ASTN2: variants seen among roughly 807,000 people sequenced by gnomAD.
ASTN2 encodes astrotactin 2.
Under a neutral mutation model 139.8 loss-of-function variants are expected in ASTN2, and 54 were observed. That is an observed-to-expected ratio of 0.39 (90% CI 0.31 to 0.48). The LOEUF is 0.48. ASTN2 is among the 20% of genes least tolerant of loss of function. The pLI is 0.95. For missense variants in ASTN2, 1,565 were observed against 1,725.1 expected (o/e 0.91, Z 1.64); for synonymous variants, 756 against 719.5 (o/e 1.05, Z -0.81).
At chr9:116,488,148 G>A (rs1370544514) in intron 19 of ASTN2, among the ~76,000 whole-genome samples, 4 of 152,122 alleles carry the variant, frequency 2.6e-5, no homozygotes, top group Non-Finnish European at 1.5e-5. Context: ...GAGACTATGT[G>A]CCACATATTT....
intron 6 of ASTN2, among the ~76,000 whole-genome samples, chr9:117,022,230 C>T (rs986368448): frequency 6.6e-6 from 1 of 152,060 alleles, no homozygotes; most frequent in Non-Finnish European, 1.5e-5. Context: ...TGATTTGAAA[C>T]AACTGAAATT....
chr9:117,400,542 A>T (rs182210675), intron 1 of ASTN2, among the ~76,000 whole-genome samples: 259 of 152,358 alleles, frequency 1.7e-3, no homozygotes, highest in Admixed American at 5.2e-3. Flanking sequence ...TACTTTGGGC[A>T]GTCCCCCTCC....
chr9:116,491,674 A>G (rs1849521457), intron 19 of ASTN2, among the ~76,000 whole-genome samples: 1 of 152,228 alleles, frequency 6.6e-6, no homozygotes, highest in Admixed American at 6.5e-5. Context: ...AGGTGAATGA[A>G]GTAATCCCCC....
At chr9:116,512,294 C>T (rs1282900862) in intron 19 of ASTN2, among the ~76,000 whole-genome samples, 2 of 152,148 alleles carry the variant, frequency 1.3e-5, no homozygotes, top group African/African-American at 4.8e-5. Context: ...TGCTCAGTTT[C>T]CAGGTAGTTG....
At chr9:117,074,105 G>T (rs1828210968) in intron 5 of ASTN2, among the ~76,000 whole-genome samples, 1 of 149,942 alleles carries the variant, frequency 6.7e-6, no homozygotes, top group Admixed American at 6.7e-5. Context: ...AAAAAAAAAA[G>T]ACCTTAATAG....
Position 117,242,420 on chromosome 9 carries a change from G to A in ASTN2, c.631-27678C>T, listed in dbSNP as rs73517228. 9.3e-3 allele frequency among the ~76,000 whole-genome samples: 1,419 copies of A among 152,210 alleles called. 23 individuals are homozygous for A. The highest frequency in any genetic ancestry group is 0.032 in the African/African-American group (1,347 of 41,508). ...TTGATGTACTTAATAGAGGAAAGTCGGGACGAGTCTGGAAAAGCAAGGATA... is the reference window on the plus strand; with the variant it reads ...TTGATGTACTTAATAGAGGAAAGTCAGGACGAGTCTGGAAAAGCAAGGATA... On this transcript the variant is annotated intron_variant, in intron 2 of 22. Coordinates refer to ENST00000313400, the MANE Select transcript of ASTN2 (RefSeq NM_001365068.1).
At chr9:117,154,607 C>T (rs909955399) in intron 3 of ASTN2, among the ~76,000 whole-genome samples, 10 of 152,072 alleles carry the variant, frequency 6.6e-5, no homozygotes, top group African/African-American at 2.2e-4. Flanking sequence ...TTCATTTTTA[C>T]TAGTAAACCC....
At chr9:117,161,972 T>C (rs894344029) in intron 3 of ASTN2, among the ~76,000 whole-genome samples, 19 of 152,006 alleles carry the variant, frequency 1.2e-4, no homozygotes, top group African/African-American at 4.3e-4. Flanking sequence ...ATCACCACTT[T>C]ATAGATAAAG....
chr9:117,109,231 G>A (rs1829186634), intron 4 of ASTN2, among the ~76,000 whole-genome samples: 5 of 151,906 alleles, frequency 3.3e-5, no homozygotes, highest in Non-Finnish European at 1.5e-5. Context: ...GCAGTGAGCC[G>A]AGATCTTGCC....
At chr9:116,821,192 G>T (rs1831474935) in intron 11 of ASTN2, among the ~76,000 whole-genome samples, 1 of 152,142 alleles carries the variant, frequency 6.6e-6, no homozygotes, top group Admixed American at 6.5e-5. Context: ...GAGGCTGCCA[G>T]ATATATATTT....
chr9:116,599,180 C>A (rs2131750848), intron 19 of ASTN2, among the ~76,000 whole-genome samples: 1 of 152,324 alleles, frequency 6.6e-6, no homozygotes, highest in East Asian at 1.9e-4. Context: ...AACTCTCCTG[C>A]CTACTGCTGT....
intron 10 of ASTN2, among the ~76,000 whole-genome samples, chr9:116,918,672 G>C (rs1208056934): frequency 6.6e-6 from 1 of 151,778 alleles, no homozygotes; most frequent in Non-Finnish European, 1.5e-5. Context: ...TGTCCCTCTG[G>C]CATCTCCATT....
intron 13 of ASTN2, among the ~76,000 whole-genome samples, chr9:116,745,478 T>C (rs1829210264): frequency 6.6e-6 from 1 of 152,172 alleles, no homozygotes; most frequent in Non-Finnish European, 1.5e-5. Flanking sequence ...TCCTTCTGTT[T>C]CCACAGCACT....
chr9:117,353,780 T>A (rs1275691524), intron 1 of ASTN2, among the ~76,000 whole-genome samples: 2 of 152,096 alleles, frequency 1.3e-5, no homozygotes, highest in Non-Finnish European at 2.9e-5. Context: ...TGCATATTAC[T>A]AAGTGAAAGA....
chr9:117,253,788 C>T (rs1168267868), intron 2 of ASTN2, among the ~76,000 whole-genome samples: 2 of 152,176 alleles, frequency 1.3e-5, no homozygotes, highest in South Asian at 2.1e-4. Flanking sequence ...GATGGGCCTA[C>T]GATAACCTCT....
chr9:116,426,113 T>C (rs747464571), intron 22 of ASTN2, 25 bp from the exon 23 acceptor site: 2 of 1,608,530 alleles, frequency 1.2e-6, no homozygotes, highest in Non-Finnish European at 1.7e-6. Context: ...GAGACAGCCA[T>C]GATTAAAGAA....
intron 5 of ASTN2, among the ~76,000 whole-genome samples, chr9:117,044,281 G>C (rs1471415101): frequency 6.6e-6 from 1 of 152,236 alleles, no homozygotes; most frequent in Admixed American, 6.5e-5. Context: ...GAAGGAGAAA[G>C]TGGGAGTTGG....
intron 6 of ASTN2, 143 bp from the exon 7 acceptor site, chr9:117,008,402 C>T (rs946532872): frequency 3.1e-6 from 2 of 645,066 alleles, no homozygotes; most frequent in African/African-American, 1.8e-5. Context: ...ATGTGCCCGT[C>T]ATGGTGTTGC....
At chr9:116,521,360 G>A (rs75148528) in intron 19 of ASTN2, among the ~76,000 whole-genome samples, 25,480 of 152,034 alleles carry the variant, frequency 0.17, 2,395 homozygotes, top group African/African-American at 0.24. Context: ...TATAGCCACT[G>A]ACCTTCAGCA....
Sources: gnomAD v4.1 joint callset for allele counts (sites outside exome capture counted in the v4.1 genomes callset) on GRCh38, gnomAD v4.1.1 for gene constraint, MANE v1.5 for transcripts, NCBI Gene and HGNC (gene_info 2026-07-23, HGNC 2026-07-21) for gene names.